B3GALNT2: variants seen among roughly 807,000 people sequenced by gnomAD.
B3GALNT2 encodes UDP-GalNAc:beta-1,3-N-acetylgalactosaminyltransferase 2.
In B3GALNT2, 53 loss-of-function variants were observed where a neutral mutation model predicts 61.1. The ratio of observed to expected loss-of-function variants is 0.87; its 90% CI spans 0.70 to 1.09. The LOEUF (loss-of-function observed/expected upper bound fraction) is 1.09, where lower values mean the gene tolerates loss of function less well. B3GALNT2 is among the 50% of genes least tolerant of loss of function. The pLI is 0.00. For missense variants in B3GALNT2, 544 were observed against 623.0 expected (o/e 0.87, Z 1.35); for synonymous variants, 223 against 237.4 (o/e 0.94, Z 0.56).
the B3GALNT2 span, chr1:235,441,363 G>A: frequency 4.0e-6 from 1 of 251,540 alleles, no homozygotes; most frequent in Non-Finnish European, 7.7e-6. Flanking sequence ...CGTGAGAAGT[G>A]TCCTGTGGAT....
At chr1:235,442,764 T>C (rs2102940311), downstream of B3GALNT2, 2 of 1,270,758 alleles carry the variant, frequency 1.6e-6, no homozygotes, top group Admixed American at 3.8e-5. Context: ...AATACCTCTA[T>C]CATTTGGCCA....
intron 1 of B3GALNT2, among the ~76,000 whole-genome samples, chr1:235,501,198 C>T (rs920354041): frequency 1.3e-5 from 2 of 152,170 alleles, no homozygotes; most frequent in African/African-American, 4.8e-5. Flanking sequence ...TCAAGATATC[C>T]TATGTTTAGA....
downstream of B3GALNT2, among the ~76,000 whole-genome samples, chr1:235,446,333 T>C (rs1415832047): frequency 6.6e-6 from 1 of 152,074 alleles, no homozygotes; most frequent in Admixed American, 6.6e-5. Context: ...CCCGCCACCA[T>C]GCCTGGCTAA....
chr1:235,450,078 G>C lies in B3GALNT2; in HGVS notation c.*128C>G. ...AAGAAACACCGCATTGGTTCTGGGT[G>C]AAAGTGCCAGTCTGGAACTCTCTTG... On this transcript the variant is annotated 3_prime_UTR_variant, in exon 12 of 12. Transcript: ENST00000366600. 8.6e-7 allele frequency: 1 copy of C among 1,157,878 alleles called. No individual in the cohort carries two copies. The highest frequency in any genetic ancestry group is 1.2e-6 in the Non-Finnish European group (1 of 813,626). 71.7% of individuals were successfully genotyped at this position (1,157,878 alleles called of 1,614,324 possible). A position where few individuals can be genotyped will look rare whatever the true frequency, so the allele number is the denominator to read the frequency against.
chr1:235,449,028 G>T lies in B3GALNT2; in HGVS notation c.*1178C>A. The stretch of plus-strand genomic sequence containing the variant: ...AGCTCATCACTGCATTTCATGATAA[G>T]ATTTAAATATTAAATAGAAAGAAAC... On this transcript the variant is annotated 3_prime_UTR_variant, in exon 12 of 12. Coordinates refer to ENST00000366600, the MANE Select transcript of B3GALNT2 (RefSeq NM_152490.5). 1 of 366,274 alleles carries T rather than the reference G, an allele frequency of 2.7e-6. No individual in the cohort carries two copies. The highest frequency in any genetic ancestry group is 5.2e-6 in the Non-Finnish European group (1 of 193,786). 22.7% of individuals were successfully genotyped at this position (366,274 alleles called of 1,614,324 possible). A position where few individuals can be genotyped will look rare whatever the true frequency, so the allele number is the denominator to read the frequency against.
chr1:235,448,706 A>C lies in B3GALNT2; in HGVS notation c.*1500T>G. 1 of 1,614,058 alleles carries C rather than the reference A, an allele frequency of 6.2e-7. No individual in the cohort carries two copies. The highest frequency in any genetic ancestry group is 8.5e-7 in the Non-Finnish European group (1 of 1,179,972). On this transcript the variant is annotated 3_prime_UTR_variant, in exon 12 of 12. Coordinates refer to ENST00000366600, the MANE Select transcript of B3GALNT2 (RefSeq NM_152490.5). Reference sequence around the variant, plus strand: ...AGAAATCGAGCTGGAAAATGACCTAAAGTCATTACAGTTTTATTCTGTGGA... The same window carrying C: ...AGAAATCGAGCTGGAAAATGACCTACAGTCATTACAGTTTTATTCTGTGGA...
In B3GALNT2 at chr1:235,480,084, G is replaced by A; in HGVS notation, c.621C>T (p.Tyr207=). ...GTAAGATGAATTGTTCCACGGGCTT[G>A]TACCACAGCTTGTTCACCTGCACAC... ...SCGVQVNKLW[Y]KPVEQFILPE... Residue 207 remains tyrosine (Y), a synonymous_variant, in exon 5 of 12, where the codon TAC becomes TAT. Coordinates refer to ENST00000366600, the MANE Select transcript of B3GALNT2 (RefSeq NM_152490.5). The A allele has an allele frequency of 6.2e-7, 1 of 1,613,968 alleles. No homozygotes were observed. Among genetic ancestry groups the A allele is most frequent in the Non-Finnish European group, 8.5e-7 (1 of 1,179,850 alleles).
At chr1:235,441,569 T>C in the B3GALNT2 span, 1 of 534,038 alleles carries the variant, frequency 1.9e-6, no homozygotes, top group Middle Eastern at 3.7e-4. Context: ...TGAGTTTCAC[T>C]GGTCATTAAC....
At chr1:235,471,183 T>C (rs911163906) in intron 5 of B3GALNT2, among the ~76,000 whole-genome samples, 2 of 152,212 alleles carry the variant, frequency 1.3e-5, no homozygotes, top group African/African-American at 4.8e-5. Flanking sequence ...TATACACAAT[T>C]TTGCATACTG....
downstream of B3GALNT2, among the ~76,000 whole-genome samples, chr1:235,443,193 T>TACACAC (rs386370047): frequency 8.7e-5 from 13 of 150,086 alleles, no homozygotes; most frequent in African/African-American, 2.9e-4. Context: ...CACATATATA[T>TACACAC]ATACACACAC....
chr1:235,489,573 G>A (rs1423915670), intron 2 of B3GALNT2, among the ~76,000 whole-genome samples: 2 of 152,144 alleles, frequency 1.3e-5, no homozygotes, highest in African/African-American at 2.4e-5. Flanking sequence ...CAGTTCTCAT[G>A]CCCATACCTA....
Position 235,448,760 on chromosome 1 carries a change from T to C in B3GALNT2, c.*1446A>G. 1 of 1,607,788 alleles carries C rather than the reference T, an allele frequency of 6.2e-7. No homozygotes were observed. The highest frequency in any genetic ancestry group is 8.5e-7 in the Non-Finnish European group (1 of 1,174,452). ...TGGAGATTGTCTATTAGTGCGATGG[T>C]GACAACCAACTAATAAAATTTAAAG... On this transcript the variant is annotated 3_prime_UTR_variant, in exon 12 of 12. Coordinates refer to ENST00000366600, the MANE Select transcript of B3GALNT2 (RefSeq NM_152490.5).
At chr1:235,459,648 G>C (rs1468466596) in intron 7 of B3GALNT2, among the ~76,000 whole-genome samples, 1 of 151,986 alleles carries the variant, frequency 6.6e-6, no homozygotes, top group Non-Finnish European at 1.5e-5. Flanking sequence ...TAAATAAAGA[G>C]ACGTAAATAT....
chr1:235,487,970 G>C (rs908978564), intron 3 of B3GALNT2, among the ~76,000 whole-genome samples: 1 of 151,600 alleles, frequency 6.6e-6, no homozygotes. Flanking sequence ...TTTTTTTTCA[G>C]ACATGGGAGC....
rs1558421902 is a variant in B3GALNT2 at position 235,470,943 on chromosome 1, GAT to G, written c.667_668del (p.Ile223ArgfsTer22). 6.2e-7 allele frequency: 1 copy of G among 1,613,866 alleles called. No individual in the cohort carries two copies. On this transcript the variant is annotated frameshift_variant, in exon 6 of 12. Transcript: ENST00000366600. LOFTEE classifies it high-confidence loss of function. Reference sequence around the variant, plus strand: ...CGTGGAGGTCTTGGCTCTCCCACACGATTGTACCTTCAAAGCTCTTTTGTAGA... The same window carrying G: ...CGTGGAGGTCTTGGCTCTCCCACACGTGTACCTTCAAAGCTCTTTTGTAGA... ...FILPESFEGT[I>X]VWESQDLHGL...
At position 235,448,291 on chromosome 1, in the gene B3GALNT2, A is replaced by T; in HGVS notation, c.*1915T>A. 7.3e-7 allele frequency: 1 copy of T among 1,375,338 alleles called. No homozygotes were observed. Among genetic ancestry groups the T allele is most frequent in the Non-Finnish European group, 1.0e-6 (1 of 963,928 alleles). 85.2% of individuals were successfully genotyped at this position (1,375,338 alleles called of 1,614,324 possible). A position where few individuals can be genotyped will look rare whatever the true frequency, so the allele number is the denominator to read the frequency against. On this transcript the variant is annotated 3_prime_UTR_variant, in exon 12 of 12. Coordinates refer to ENST00000366600, the MANE Select transcript of B3GALNT2 (RefSeq NM_152490.5). ...ATACTGTGGTCTCATCACATGAGCT[A>T]GTTTTACAGGTAACTGTCATTTGAG...
chr1:235,450,360 G>A lies in B3GALNT2; in HGVS notation c.1369-20C>T. The stretch of plus-strand genomic sequence containing the variant: ...ACTGTCCTGTTGAGAAACAACCAAA[G>A]CCGATCTGAGAGTGGTGAAACTGTT... On this transcript the variant is annotated intron_variant, in intron 11 of 11. Transcript: ENST00000366600. 1.2e-6 allele frequency: 2 copies of A among 1,612,624 alleles called. No homozygotes were observed. The highest frequency in any genetic ancestry group is 1.7e-6 in the Non-Finnish European group (2 of 1,178,866).
chr1:235,474,987 ATTTTTTTT>A (rs1160445883), intron 5 of B3GALNT2, among the ~76,000 whole-genome samples: 5 of 35,574 alleles, frequency 1.4e-4, no homozygotes, highest in Admixed American at 5.2e-4. Context: ...ATATATATAT[ATTTTTTTT>A]TTTTTTTTTT....
Position 235,484,344 on chromosome 1 carries a change from T to C in B3GALNT2, c.533A>G (p.Lys178Arg), listed in dbSNP as rs974856414. 1.2e-5 allele frequency: 20 copies of C among 1,614,006 alleles called. No homozygotes were observed. The highest frequency in any genetic ancestry group is 1.5e-5 in the Non-Finnish European group (18 of 1,180,002). ...TACCTCTTGTTCTGCCTGATAAAGT[T>C]TGACAGTGATGTTCCTCTGGAAACC... ...DVGFQRNITV[K>R]LYQAEQEEAL... Residue 178 changes from lysine to arginine, a missense_variant, in exon 4 of 12, where the codon AAA becomes AGA. Lys to Arg is a conservative substitution (Grantham distance 26). Transcript: ENST00000366600.
Sources: gnomAD v4.1 joint callset for allele counts (sites outside exome capture counted in the v4.1 genomes callset) on GRCh38, gnomAD v4.1.1 for gene constraint, MANE v1.5 for transcripts, NCBI Gene and HGNC (gene_info 2026-07-23, HGNC 2026-07-21) for gene names.